USP7: variants seen among roughly 807,000 people sequenced by gnomAD.
USP7 encodes the protein ubiquitin C-terminal hydrolase 7.
In USP7, 9 loss-of-function variants were observed where a neutral mutation model predicts 162.9. That is an observed-to-expected ratio of 0.06 (90% CI 0.03 to 0.10). USP7 has a LOEUF of 0.10. USP7 is among the 10% of genes least tolerant of loss of function. USP7 has a pLI of 1.00. For missense variants in USP7, 715 were observed against 1,373.7 expected, an observed-to-expected ratio of 0.52 and a Z score of 7.58; for synonymous variants, 562 against 475.9, an observed-to-expected ratio of 1.18 and a Z score of -2.35.
At chr16:8,922,326 G>C (rs1244686671) in intron 3 of USP7, among the ~76,000 whole-genome samples, 1 of 152,142 alleles carries the variant, frequency 6.6e-6, no homozygotes, top group Admixed American at 6.5e-5. Context: ...CCGTCCCTAT[G>C]AAAAATACAA....
intron 2 of USP7, among the ~76,000 whole-genome samples, chr16:8,925,926 G>A (rs1464579050): frequency 3.9e-5 from 6 of 152,070 alleles, no homozygotes; most frequent in South Asian, 4.1e-4. Flanking sequence ...AGGCAGAGGC[G>A]GGTGGATCAC....
In USP7 at chr16:8,963,846, G is replaced by A. The variant is rs1416581882; in HGVS notation, c.-561C>T. ...GCGTCGTCGTCGGGGCTCCGGCAGC[G>A]GACGCGGCGCCCGGCAGCTCGGCTC... On this transcript the variant is annotated 5_prime_UTR_variant, in exon 1 of 31. Transcript: ENST00000344836. Among the ~76,000 whole-genome samples the A allele has an allele frequency of 6.8e-6, 1 of 146,758 alleles. No individual in the cohort carries two copies. Among genetic ancestry groups the A allele is most frequent in the Non-Finnish European group, 1.5e-5 (1 of 65,922 alleles).
intron 1 of USP7, among the ~76,000 whole-genome samples, chr16:8,948,034 C>A (rs984578803): frequency 1.3e-5 from 2 of 152,240 alleles, no homozygotes; most frequent in African/African-American, 2.4e-5. Flanking sequence ...TCCCCACTCC[C>A]ACCCACCACC....
chr16:8,955,030 C>T lies in USP7; in HGVS notation c.79+8177G>A, dbSNP rs77315566. On this transcript the variant is annotated intron_variant, in intron 1 of 30. Coordinates refer to ENST00000344836, the MANE Select transcript of USP7 (RefSeq NM_003470.3). ...CACACAACATTCTGCTCAGCTACCA[C>T]GAGATGAATGACAGTGGTGTGTGGA... is the stretch of plus-strand genomic sequence containing the variant. Among the ~76,000 whole-genome samples, 601 of 152,340 alleles carry T rather than the reference C, an allele frequency of 3.9e-3. 5 individuals carry two copies. Among genetic ancestry groups the T allele is most frequent in the Middle Eastern group, 6.8e-3 (2 of 294 alleles).
intron 1 of USP7, among the ~76,000 whole-genome samples, chr16:8,958,241 G>T (rs117436339): frequency 2.0e-5 from 3 of 152,204 alleles, no homozygotes; most frequent in African/African-American, 7.2e-5. Context: ...AGGGAGAGGC[G>T]ACTAGAAAGG....
At chr16:8,894,453 G>GC in intron 30 of USP7, 97 bp downstream of exon 30, 1 of 1,227,266 alleles carries the variant, frequency 8.1e-7, no homozygotes, top group Non-Finnish European at 1.1e-6. Context: ...AGAGAGAGGA[G>GC]CTGGCACTTG....
At chr16:8,921,047 A>G (rs1897666242) in intron 4 of USP7, 110 bp downstream of exon 4, 6 of 1,243,524 alleles carry the variant, frequency 4.8e-6, no homozygotes, top group Non-Finnish European at 6.5e-6. Context: ...TCCAATTTAG[A>G]AAGTAAAAAT....
intron 1 of USP7, among the ~76,000 whole-genome samples, chr16:8,940,497 G>A (rs1288999417): frequency 6.6e-6 from 1 of 152,216 alleles, no homozygotes; most frequent in Non-Finnish European, 1.5e-5. Context: ...TGGGAGGGCA[G>A]GGGTTACCTT....
chr16:8,926,574 C>T lies in USP7; in HGVS notation c.185-3161G>A, dbSNP rs531703255. On this transcript the variant is annotated intron_variant, in intron 2 of 30. Transcript: ENST00000344836. ...TACGGCCAGCCAGATTGTCCTCCTA[C>T]GAGGAATTACATGAGACTCAGTGAT... 2.2e-3 allele frequency among the ~76,000 whole-genome samples: 336 copies of T among 152,270 alleles called. 1 individual carries two copies. Among genetic ancestry groups the T allele is most frequent in the Non-Finnish European group, 3.8e-3 (260 of 68,008 alleles).
At chr16:8,940,142 G>T (rs975059030) in intron 1 of USP7, among the ~76,000 whole-genome samples, 13 of 151,778 alleles carry the variant, frequency 8.6e-5, no homozygotes, top group African/African-American at 2.9e-4. Flanking sequence ...CTGTATTTTT[G>T]TGACTCCAAA....
At chr16:8,954,233 G>C (rs1031273169) in intron 1 of USP7, among the ~76,000 whole-genome samples, 1 of 151,620 alleles carries the variant, frequency 6.6e-6, no homozygotes, top group Non-Finnish European at 1.5e-5. Flanking sequence ...TGGAGGCAGA[G>C]GGAAGACACG....
At chr16:8,940,098 CA>C (rs35628437) in intron 1 of USP7, among the ~76,000 whole-genome samples, 46 of 145,230 alleles carry the variant, frequency 3.2e-4, no homozygotes, top group Non-Finnish European at 4.9e-4. Flanking sequence ...ACTCTGTCTC[CA>C]AAAAAAAAAG....
chr16:8,934,049 C>T (rs757506773), intron 1 of USP7, among the ~76,000 whole-genome samples: 3 of 152,100 alleles, frequency 2.0e-5, no homozygotes, highest in South Asian at 2.1e-4. Context: ...TGAAACACCA[C>T]GCCTGGCCTA....
At chr16:8,941,899 G>T (rs1390980392) in intron 1 of USP7, among the ~76,000 whole-genome samples, 1 of 152,222 alleles carries the variant, frequency 6.6e-6, no homozygotes, top group African/African-American at 2.4e-5. Flanking sequence ...GAAGTGGGAG[G>T]CAAGTCCCTT....
rs572553030 is a variant in USP7, at chr16:8,897,790, T to C, written c.2718+570A>G. On this transcript the variant is annotated intron_variant, in intron 25 of 30. Transcript: ENST00000344836. ...GACATACACCTGTAATCCTAGCTACTTGGGGGGCTGAGGTGGGAGGATCAC... is the reference window on the plus strand; with the variant it reads ...GACATACACCTGTAATCCTAGCTACCTGGGGGGCTGAGGTGGGAGGATCAC... Among the ~76,000 whole-genome samples, 81 of 141,598 alleles carry C rather than the reference T, an allele frequency of 5.7e-4. 1 individual carries two copies. The highest frequency in any genetic ancestry group is 3.9e-3 in the Middle Eastern group (1 of 258). The allele number at this position is 141,598 out of a possible 152,430, so 92.9% of individuals were successfully genotyped here.
intron 6 of USP7, among the ~76,000 whole-genome samples, chr16:8,918,197 G>A (rs1300052406): frequency 2.0e-5 from 3 of 152,114 alleles, no homozygotes; most frequent in African/African-American, 7.2e-5. Flanking sequence ...GATATATCAC[G>A]ACAACCTGTC....
chr16:8,952,043 T>C (rs1336181071), intron 1 of USP7, among the ~76,000 whole-genome samples: 1 of 150,566 alleles, frequency 6.6e-6, no homozygotes, highest in African/African-American at 2.4e-5. Flanking sequence ...GGAAAATGGA[T>C]GAAAGCAGGA....
At chr16:8,908,298 G>A (rs1370553964) in intron 12 of USP7, 43 bp downstream of exon 12, 2 of 1,488,336 alleles carry the variant, frequency 1.3e-6, no homozygotes, top group Non-Finnish European at 1.9e-6. Context: ...CCCTAGACCA[G>A]CATGATGATG....
intron 1 of USP7, among the ~76,000 whole-genome samples, chr16:8,958,445 G>A (rs989476733): frequency 3.3e-5 from 5 of 152,236 alleles, no homozygotes; most frequent in African/African-American, 9.6e-5. Context: ...AGGCAGTGAC[G>A]GACAGAAGTC....
Sources: gnomAD v4.1 joint callset for allele counts (sites outside exome capture counted in the v4.1 genomes callset) on GRCh38, gnomAD v4.1.1 for gene constraint, MANE v1.5 for transcripts, NCBI Gene and HGNC (gene_info 2026-07-23, HGNC 2026-07-21) for gene names.